The following SUSD6 variants were observed in gnomAD, a reference collection of about 807,000 sequenced individuals.
SUSD6 encodes sushi domain-containing protein 6.
In SUSD6, 16 loss-of-function variants were observed where a neutral mutation model predicts 28.4. The observed-to-expected ratio is 0.56, with a 90% CI of 0.38 to 0.86. The LOEUF is 0.86. Ranked by LOEUF, SUSD6 falls within the 40% of genes least tolerant of loss-of-function variation. The pLI is 0.00. For missense variants in SUSD6, 341 were observed against 384.2 expected (o/e 0.89, Z 0.94); for synonymous variants, 147 against 159.6 (o/e 0.92, Z 0.59).
chr14:69,630,553 G>A (rs1885178198), intron 1 of SUSD6, among the ~76,000 whole-genome samples: 1 of 152,156 alleles, frequency 6.6e-6, no homozygotes, highest in Non-Finnish European at 1.5e-5. Flanking sequence ...AGATGGACAT[G>A]TAATGACGTC....
chr14:69,618,837 G>A (rs1235398116), intron 1 of SUSD6, among the ~76,000 whole-genome samples: 4 of 152,152 alleles, frequency 2.6e-5, no homozygotes, highest in Admixed American at 2.6e-4. Context: ...AGTGAGATGA[G>A]ACTCTTAGTT....
intron 1 of SUSD6, among the ~76,000 whole-genome samples, chr14:69,636,988 C>G (rs1406787012): frequency 6.6e-6 from 1 of 152,128 alleles, no homozygotes; most frequent in African/African-American, 2.4e-5. Flanking sequence ...TAAGATGATC[C>G]CAAAGTTCCT....
chr14:69,643,957 T>C (rs1461999367), intron 1 of SUSD6, among the ~76,000 whole-genome samples: 2 of 152,244 alleles, frequency 1.3e-5, no homozygotes, highest in African/African-American at 4.8e-5. Context: ...TGATTGACCC[T>C]GTAATTTTCT....
chr14:69,678,476 G>A (rs1885948158), intron 2 of SUSD6, among the ~76,000 whole-genome samples: 1 of 151,982 alleles, frequency 6.6e-6, no homozygotes, highest in African/African-American at 2.4e-5. Flanking sequence ...CTCACTGATG[G>A]ATCTATGGGC....
intron 2 of SUSD6, among the ~76,000 whole-genome samples, chr14:69,663,105 A>T (rs1215238654): frequency 6.6e-6 from 1 of 152,144 alleles, no homozygotes; most frequent in Non-Finnish European, 1.5e-5. Context: ...GTAAGGAGGG[A>T]TTAATTTACT....
chr14:69,709,285 C>A (rs1191586441), intron 5 of SUSD6, among the ~76,000 whole-genome samples, 181 bp downstream of exon 5: 1 of 152,182 alleles, frequency 6.6e-6, no homozygotes, highest in Non-Finnish European at 1.5e-5. Context: ...TTTGGGCTCT[C>A]TGTAGTGAGA....
At chr14:69,645,419 A>G (rs1399981810) in intron 1 of SUSD6, among the ~76,000 whole-genome samples, 1 of 152,178 alleles carries the variant, frequency 6.6e-6, no homozygotes, top group Non-Finnish European at 1.5e-5. Context: ...AGAGGTAACA[A>G]TTTCAGGGGA....
chr14:69,706,481 C>T (rs1289029600), intron 4 of SUSD6, among the ~76,000 whole-genome samples: 1 of 152,048 alleles, frequency 6.6e-6, no homozygotes, highest in East Asian at 1.9e-4. Context: ...TTTTCTGAGA[C>T]AGGGTCTCAC....
At chr14:69,639,196 C>T (rs1002507781) in intron 1 of SUSD6, among the ~76,000 whole-genome samples, 1 of 149,730 alleles carries the variant, frequency 6.7e-6, no homozygotes, top group Non-Finnish European at 1.5e-5. Flanking sequence ...GGCGTTGTGG[C>T]GGGCACCTGT....
intron 2 of SUSD6, among the ~76,000 whole-genome samples, chr14:69,687,564 A>G (rs1450981606): frequency 1.3e-5 from 2 of 152,242 alleles, no homozygotes; most frequent in East Asian, 1.9e-4. Flanking sequence ...AACTTTCTCA[A>G]ACTCTCTAGT....
chr14:69,614,877 C>T (rs1052985774), intron 1 of SUSD6, among the ~76,000 whole-genome samples: 8 of 152,174 alleles, frequency 5.3e-5, no homozygotes, highest in South Asian at 2.1e-4. Flanking sequence ...CTTGCAGGCC[C>T]GAATGTCAGC....
chr14:69,661,570 G>T (rs1885661849), intron 2 of SUSD6, among the ~76,000 whole-genome samples: 2 of 152,050 alleles, frequency 1.3e-5, no homozygotes, highest in Non-Finnish European at 2.9e-5. Flanking sequence ...CCTTTGCTTA[G>T]ATCCTGTGTA....
At chr14:69,664,271 C>T (rs1372552955) in intron 2 of SUSD6, among the ~76,000 whole-genome samples, 2 of 152,156 alleles carry the variant, frequency 1.3e-5, no homozygotes, top group Admixed American at 6.5e-5. Context: ...TGAGCCACTG[C>T]GCCTGGCCCT....
chr14:69,673,395 A>C (rs1885862316), intron 2 of SUSD6, among the ~76,000 whole-genome samples: 1 of 152,118 alleles, frequency 6.6e-6, no homozygotes, highest in Admixed American at 6.5e-5. Context: ...TGAAGACCAA[A>C]CTTTGAGAAC....
chr14:69,698,374 A>G (rs535393067), intron 2 of SUSD6, among the ~76,000 whole-genome samples: 1 of 152,232 alleles, frequency 6.6e-6, no homozygotes, highest in African/African-American at 2.4e-5. Context: ...TTTAAATGTA[A>G]CCTTCTCCTA....
intron 1 of SUSD6, among the ~76,000 whole-genome samples, chr14:69,646,515 T>G (rs894010084): frequency 2.0e-5 from 3 of 152,140 alleles, no homozygotes; most frequent in Admixed American, 2.0e-4. Flanking sequence ...CTAATTTGCC[T>G]GCTAGACCTT....
At position 69,627,533 on chromosome 14, in the gene SUSD6, A is replaced by C. The variant is rs189233032; in HGVS notation, c.-81+15705A>C. Reference sequence around the variant, plus strand: ...CACTCTGTTCCCCAGGCTGGAGTGCAGTGGCAGGATCTTGGCTCACCACAA... The same window carrying C: ...CACTCTGTTCCCCAGGCTGGAGTGCCGTGGCAGGATCTTGGCTCACCACAA... On this transcript the variant is annotated intron_variant, in intron 1 of 5. Coordinates refer to ENST00000342745, the MANE Select transcript of SUSD6 (RefSeq NM_014734.4). 0.014 allele frequency among the ~76,000 whole-genome samples: 2,116 copies of C among 152,304 alleles called. 77 individuals carry two copies. The South Asian group carries it at 0.14, about 10-fold the overall frequency.
chr14:69,683,823 G>A (rs763250179), intron 2 of SUSD6, among the ~76,000 whole-genome samples: 5 of 152,222 alleles, frequency 3.3e-5, no homozygotes, highest in Non-Finnish European at 7.4e-5. Context: ...ATGCCTCCAG[G>A]TGGGCTGCAG....
intron 1 of SUSD6, among the ~76,000 whole-genome samples, chr14:69,655,491 A>T (rs1885568478): frequency 6.6e-6 from 1 of 152,122 alleles, no homozygotes; most frequent in African/African-American, 2.4e-5. Flanking sequence ...TCTCCGAAGG[A>T]TTCTATATTG....
Sources: allele counts gnomAD v4.1 joint callset (sites outside exome capture counted in the v4.1 genomes callset), GRCh38; gene constraint gnomAD v4.1.1; transcripts MANE v1.5; gene names NCBI Gene and HGNC (gene_info 2026-07-23, HGNC 2026-07-21).